Variants in SPIDR observed in about 807,000 individuals in gnomAD.
The protein encoded by SPIDR is DNA repair-scaffolding protein.
A neutral mutation model predicts 104.6 loss-of-function variants in SPIDR; 93 were observed. The observed-to-expected ratio is 0.89, with a 90% CI of 0.75 to 1.06. The LOEUF (loss-of-function observed/expected upper bound fraction) is 1.06, where lower values mean the gene tolerates loss of function less well. SPIDR is among the 50% of genes least tolerant of loss of function. SPIDR has a pLI of 0.00. For missense variants in SPIDR, 1,154 were observed against 1,111.2 expected (o/e 1.04, Z -0.55); for synonymous variants, 431 against 416.9 (o/e 1.03, Z -0.41).
At chr8:47,360,087 A>C (rs1463615555) in intron 5 of SPIDR, among the ~76,000 whole-genome samples, 1 of 151,730 alleles carries the variant, frequency 6.6e-6, no homozygotes, top group African/African-American at 2.4e-5. Flanking sequence ...CTAAAAATAC[A>C]AAAAATTAGC....
At chr8:47,321,792 A>G (rs770622919) in intron 5 of SPIDR, among the ~76,000 whole-genome samples, 4 of 152,196 alleles carry the variant, frequency 2.6e-5, no homozygotes, top group East Asian at 1.9e-4. Context: ...ATAATGCCAC[A>G]TATCTACAAC....
chr8:47,469,408 A>T (rs1173187833), intron 8 of SPIDR, among the ~76,000 whole-genome samples: 1 of 152,182 alleles, frequency 6.6e-6, no homozygotes, highest in African/African-American at 2.4e-5. Flanking sequence ...TACCATAAAG[A>T]CGCAGGCAAG....
intron 10 of SPIDR, chr8:47,659,661 G>T: frequency 1.2e-6 from 1 of 864,796 alleles, no homozygotes; most frequent in Non-Finnish European, 1.3e-6. Context: ...TCTCGCCCCC[G>T]CCTTTTCTCA....
At chr8:47,598,760 T>G (rs1564436187) in intron 9 of SPIDR, among the ~76,000 whole-genome samples, 186 bp from the exon 10 acceptor site, 1 of 152,212 alleles carries the variant, frequency 6.6e-6, no homozygotes, top group East Asian at 1.9e-4. Flanking sequence ...CTTAGCCACC[T>G]GGCAGGCCCA....
chr8:47,393,296 C>T (rs1247246689), intron 5 of SPIDR, among the ~76,000 whole-genome samples: 1 of 152,186 alleles, frequency 6.6e-6, no homozygotes, highest in Non-Finnish European at 1.5e-5. Flanking sequence ...TTTCAGTCCA[C>T]CTCTCTATTC....
chr8:47,438,132 G>A (rs2068706933), intron 7 of SPIDR, among the ~76,000 whole-genome samples: 1 of 152,192 alleles, frequency 6.6e-6, no homozygotes, highest in Non-Finnish European at 1.5e-5. Flanking sequence ...ATGGCTGGGG[G>A]CTGCCACAGT....
rs1174474603 is a variant in SPIDR, at chr8:47,734,171, C to CA, written c.2605-1135dup. On this transcript the variant is annotated intron_variant, in intron 19 of 19. Coordinates refer to ENST00000297423, the MANE Select transcript of SPIDR (RefSeq NM_001080394.4). ...GGGTGCCCCCAAGGCCGGTGGGAGT[C>CA]ACAGAAGGCTCCTACGTCCAGGCCA... Among the ~76,000 whole-genome samples, 367 of 152,272 alleles carry CA rather than the reference C, an allele frequency of 2.4e-3. 9 individuals carry two copies. Among genetic ancestry groups the CA allele is most frequent in the Non-Finnish European group, 1.2e-4 (8 of 68,020 alleles).
At chr8:47,484,504 G>A (rs1554729337) in intron 8 of SPIDR, among the ~76,000 whole-genome samples, 1 of 152,190 alleles carries the variant, frequency 6.6e-6, no homozygotes, top group East Asian at 1.9e-4. Context: ...GCAGAACATG[G>A]TGGCAGAGGC....
At chr8:47,536,820 T>C (rs565590752) in intron 8 of SPIDR, among the ~76,000 whole-genome samples, 14 of 152,200 alleles carry the variant, frequency 9.2e-5, no homozygotes, top group Non-Finnish European at 1.8e-4. Flanking sequence ...CATGGACATA[T>C]CTTGTAAAGA....
chr8:47,493,974 G>C (rs895330600), intron 8 of SPIDR, among the ~76,000 whole-genome samples: 1 of 152,014 alleles, frequency 6.6e-6, no homozygotes, highest in Admixed American at 6.6e-5. Flanking sequence ...AATTATGGAA[G>C]GTTTCATTGC....
At chr8:47,472,120 T>C (rs2075788954) in intron 8 of SPIDR, among the ~76,000 whole-genome samples, 1 of 152,218 alleles carries the variant, frequency 6.6e-6, no homozygotes, top group Non-Finnish European at 1.5e-5. Flanking sequence ...CTTCCCCATT[T>C]TCTATACAGT....
chr8:47,416,981 A>G lies in SPIDR; in HGVS notation c.877+9020A>G, dbSNP rs1265312875. 9.9e-5 allele frequency among the ~76,000 whole-genome samples: 15 copies of G among 152,174 alleles called. No individual in the cohort carries two copies. In the East Asian group the frequency reaches 1.9e-3, roughly 20 times the overall value. On this transcript the variant is annotated intron_variant, in intron 7 of 19. Coordinates refer to ENST00000297423, the MANE Select transcript of SPIDR (RefSeq NM_001080394.4). Reference sequence around the variant, plus strand: ...CATCCTTTTTTTATGGCTGCATAGTATTCCATGGTGTATATGTGCCACATT... The same window carrying G: ...CATCCTTTTTTTATGGCTGCATAGTGTTCCATGGTGTATATGTGCCACATT...
chr8:47,294,133 C>A (rs2040419824), intron 5 of SPIDR, 103 bp downstream of exon 5: 2 of 1,446,594 alleles, frequency 1.4e-6, no homozygotes, highest in South Asian at 2.9e-5. Context: ...TCCTCGAGAA[C>A]AACCACTTTT....
chr8:47,690,749 G>T (rs2078523835), intron 11 of SPIDR, among the ~76,000 whole-genome samples: 3 of 152,174 alleles, frequency 2.0e-5, no homozygotes, highest in Non-Finnish European at 4.4e-5. Flanking sequence ...AACCCAGGAG[G>T]CGGAGGTTGC....
At chr8:47,426,920 A>G (rs7831198) in intron 7 of SPIDR, among the ~76,000 whole-genome samples, 4,258 of 152,318 alleles carry the variant, frequency 0.028, 211 homozygotes, top group African/African-American at 0.096. Flanking sequence ...CATTCAGACC[A>G]TAGCAATAAT....
chr8:47,509,688 C>G (rs765681709), intron 8 of SPIDR, among the ~76,000 whole-genome samples: 4 of 152,094 alleles, frequency 2.6e-5, no homozygotes, highest in African/African-American at 4.8e-5. Flanking sequence ...GTATGGTATT[C>G]GTAAAACTAG....
At chr8:47,471,227 T>C (rs1465586660) in intron 8 of SPIDR, among the ~76,000 whole-genome samples, 1 of 149,716 alleles carries the variant, frequency 6.7e-6, no homozygotes, top group African/African-American at 2.5e-5. Flanking sequence ...GTCAAAAGAG[T>C]GAAAAGTCAA....
intron 5 of SPIDR, among the ~76,000 whole-genome samples, chr8:47,372,533 G>A (rs1336030220): frequency 6.6e-6 from 1 of 152,160 alleles, no homozygotes; most frequent in African/African-American, 2.4e-5. Context: ...AGCTGAGGCA[G>A]GAGAATCGCT....
At chr8:47,436,226 T>G (rs1272804753) in intron 7 of SPIDR, among the ~76,000 whole-genome samples, 2 of 152,258 alleles carry the variant, frequency 1.3e-5, no homozygotes, top group South Asian at 4.1e-4. Flanking sequence ...GTTAAAGTAT[T>G]TGGGGATTTT....
Sources: allele counts gnomAD v4.1 joint callset (sites outside exome capture counted in the v4.1 genomes callset), GRCh38; gene constraint gnomAD v4.1.1; transcripts MANE v1.5; gene names NCBI Gene and HGNC (gene_info 2026-07-23, HGNC 2026-07-21).